Variants in MICAL2 observed in about 807,000 individuals in gnomAD.
MICAL2 encodes the protein microtubule associated monooxygenase, calponin and LIM domain containing 2.
In MICAL2, 77 loss-of-function variants were observed where a neutral mutation model predicts 127.3. That is an observed-to-expected ratio of 0.60 (90% confidence interval 0.50 to 0.73). MICAL2 has a LOEUF of 0.73. MICAL2 is among the 30% of genes least tolerant of loss of function. The probability of loss-of-function intolerance (pLI) is 0.00; values close to 1 mark genes in which losing one functional copy is unlikely to be tolerated. For synonymous variants in MICAL2, 570 were observed against 551.1 expected (o/e 1.03, Z -0.48); for missense variants, 1,351 against 1,434.4 (o/e 0.94, Z 0.94).
intron 29 of MICAL2, among the ~76,000 whole-genome samples, chr11:12,299,879 C>T (rs1864027345): frequency 6.6e-6 from 1 of 152,202 alleles, no homozygotes; most frequent in East Asian, 1.9e-4. Context: ...TCTTAGATTA[C>T]TCTTGCAGTT....
chr11:12,350,120 G>A (rs1048849655), intron 33 of MICAL2, among the ~76,000 whole-genome samples: 9 of 152,208 alleles, frequency 5.9e-5, no homozygotes, highest in African/African-American at 2.2e-4. Context: ...ATCTTTAGCT[G>A]TCTGTTCTTT....
intron 3 of MICAL2, among the ~76,000 whole-genome samples, chr11:12,186,979 T>C (rs1260747596): frequency 5.3e-5 from 8 of 152,246 alleles, no homozygotes; most frequent in Admixed American, 4.6e-4. Flanking sequence ...TCCCCGACTG[T>C]GCTAATTCTT....
chr11:12,283,724 T>A (rs1380613167), intron 2 of MICAL2, among the ~76,000 whole-genome samples: 1 of 152,186 alleles, frequency 6.6e-6, no homozygotes, highest in African/African-American at 2.4e-5. Flanking sequence ...TTATATTATG[T>A]ATATTATTTT....
intron 32 of MICAL2, among the ~76,000 whole-genome samples, chr11:12,347,410 G>A (rs1050917647): frequency 1.3e-5 from 2 of 152,130 alleles, no homozygotes; most frequent in East Asian, 3.8e-4. Flanking sequence ...AATTTCTCAT[G>A]CAATGTAACA....
At chr11:12,124,303 C>T (rs920077713) in intron 1 of MICAL2, among the ~76,000 whole-genome samples, 20 of 152,126 alleles carry the variant, frequency 1.3e-4, no homozygotes, top group African/African-American at 4.3e-4. Flanking sequence ...AGTGGACTTG[C>T]GATCTTTGAC....
At chr11:12,246,345 T>A (rs1860738759) in intron 21 of MICAL2, among the ~76,000 whole-genome samples, 1 of 152,216 alleles carries the variant, frequency 6.6e-6, no homozygotes, top group South Asian at 2.1e-4. Context: ...CATTAGTTAA[T>A]TTTGCTCCTC....
At chr11:12,348,454 G>A (rs1938991810) in intron 32 of MICAL2, among the ~76,000 whole-genome samples, 1 of 152,170 alleles carries the variant, frequency 6.6e-6, no homozygotes, top group African/African-American at 2.4e-5. Flanking sequence ...AGCACTCATG[G>A]ATTTTGATAT....
intron 1 of MICAL2, among the ~76,000 whole-genome samples, chr11:12,135,015 C>T (rs967581107): frequency 6.6e-6 from 1 of 152,152 alleles, no homozygotes; most frequent in Non-Finnish European, 1.5e-5. Flanking sequence ...GCCCTGCCGC[C>T]AACCTAAGAG....
chr11:12,331,704 C>T (rs774608070), intron 32 of MICAL2, among the ~76,000 whole-genome samples: 63 of 151,996 alleles, frequency 4.1e-4, no homozygotes, highest in Non-Finnish European at 6.6e-4. Context: ...TACTTTTCTG[C>T]GAAATTTTCT....
chr11:12,115,833 A>C (rs1409627703), intron 1 of MICAL2, among the ~76,000 whole-genome samples: 1 of 152,220 alleles, frequency 6.6e-6, no homozygotes, highest in Non-Finnish European at 1.5e-5. Flanking sequence ...GTAGGTAGAC[A>C]GAATTATACG....
chr11:12,314,870 A>G (rs779584433), intron 29 of MICAL2, among the ~76,000 whole-genome samples: 3 of 151,996 alleles, frequency 2.0e-5, no homozygotes, highest in Non-Finnish European at 4.4e-5. Flanking sequence ...TTTTAAACCC[A>G]TAGATATTAT....
intron 4 of MICAL2, 173 bp from the exon 5 acceptor site, chr11:12,207,850 G>C (rs1354873187): frequency 1.6e-6 from 1 of 608,142 alleles, no homozygotes; most frequent in Non-Finnish European, 3.0e-6. Flanking sequence ...GCCACTGTAA[G>C]AGTTAGATGA....
intron 3 of MICAL2, among the ~76,000 whole-genome samples, chr11:12,180,337 A>G (rs11022230): frequency 1.5e-3 from 112 of 75,262 alleles, no homozygotes; most frequent in Non-Finnish European, 7.2e-4. Context: ...ATATACATGT[A>G]TATATGTATA....
At chr11:12,310,889 C>T (rs1864166054) in intron 29 of MICAL2, among the ~76,000 whole-genome samples, 1 of 151,700 alleles carries the variant, frequency 6.6e-6, no homozygotes, top group South Asian at 2.1e-4. Flanking sequence ...TCTTTCACTT[C>T]TTTGGTTAAA....
downstream of MICAL2, among the ~76,000 whole-genome samples, chr11:12,267,667 TGTC>T (rs1479124183): frequency 6.6e-6 from 1 of 152,302 alleles, no homozygotes; most frequent in East Asian, 1.9e-4. Flanking sequence ...GCTGGAGTGA[TGTC>T]AGCTCGCTGC....
At position 12,213,318 on chromosome 11, in the gene MICAL2, G is replaced by A; in HGVS notation, c.755G>A (p.Arg252Lys). Residue 252 changes from arginine (R) to lysine (K), a missense_variant, in exon 7 of 28, where the codon AGA (arginine) becomes AAA (lysine). Coordinates refer to ENST00000683283, the MANE Select transcript of MICAL2 (RefSeq NM_001282663.2). ...AIAITANFIN[R>K]NSTAEAKVEE... ...GCCATCACCGCCAACTTCATAAACAGAAACAGCACAGCGGAAGCCAAGGTG... is the reference window on the plus strand; with the variant it reads ...GCCATCACCGCCAACTTCATAAACAAAAACAGCACAGCGGAAGCCAAGGTG... 6.2e-7 allele frequency: 1 copy of A among 1,613,882 alleles called. No individual in the cohort carries two copies. Among genetic ancestry groups the A allele is most frequent in the East Asian group, 2.2e-5 (1 of 44,876 alleles).
At chr11:12,122,143 A>G (rs1195640062) in intron 1 of MICAL2, among the ~76,000 whole-genome samples, 1 of 152,246 alleles carries the variant, frequency 6.6e-6, no homozygotes, top group East Asian at 1.9e-4. Context: ...AGCCACACAC[A>G]TACTATCTCT....
chr11:12,296,649 C>T (rs1863989417), downstream of MICAL2, among the ~76,000 whole-genome samples: 1 of 151,262 alleles, frequency 6.6e-6, no homozygotes, highest in Non-Finnish European at 1.5e-5. Flanking sequence ...AATAAAAAGT[C>T]CTCTTTCCCT....
At chr11:12,165,301 G>A (rs1006355146) in intron 3 of MICAL2, among the ~76,000 whole-genome samples, 6 of 152,288 alleles carry the variant, frequency 3.9e-5, no homozygotes, top group Admixed American at 6.5e-5. Flanking sequence ...CCATGAGGCC[G>A]GTGCTTGTAC....
Sources: gnomAD v4.1 joint callset for allele counts (sites outside exome capture counted in the v4.1 genomes callset) on GRCh38, gnomAD v4.1.1 for gene constraint, MANE v1.5 for transcripts, NCBI Gene and HGNC (gene_info 2026-07-23, HGNC 2026-07-21) for gene names.